RSU1: variants seen among roughly 807,000 people sequenced by gnomAD.
The protein encoded by RSU1 is Ras suppressor protein 1.
In RSU1, 26 loss-of-function variants were observed where a neutral mutation model predicts 31.1. The ratio of observed to expected loss-of-function variants is 0.84; its 90% CI spans 0.61 to 1.16. RSU1 has a LOEUF of 1.16. Ranked by LOEUF, RSU1 falls within the 50% of genes most tolerant of loss-of-function variation. RSU1 has a pLI of 0.00. For synonymous variants in RSU1, 164 were observed against 136.3 expected, an observed-to-expected ratio of 1.20 and a Z score of -1.41; for missense variants, 320 against 339.1, an observed-to-expected ratio of 0.94 and a Z score of 0.44.
intron 4 of RSU1, among the ~76,000 whole-genome samples, chr10:16,756,888 T>A (rs1341304711): frequency 7.7e-6 from 1 of 129,834 alleles, no homozygotes; most frequent in East Asian, 2.3e-4. Flanking sequence ...TTTCGTGTGG[T>A]GTGTGAGGGG....
intron 8 of RSU1, among the ~76,000 whole-genome samples, chr10:16,655,017 AT>A (rs1398683748): frequency 6.7e-6 from 1 of 149,002 alleles, no homozygotes; most frequent in Non-Finnish European, 1.5e-5. Context: ...TGAGCCACGA[AT>A]GTGCCTGGAG....
At position 16,695,155 on chromosome 10, in the gene RSU1, CCTGGGGGGGGGG is replaced by C; in HGVS notation, c.599-12_599-1del. ...CTTCTGGCCAGTTAAATCCAAGTTT[CCTGGGGGGGGGG>C]AAAAAAAAAGTGAAGGTCACTTCAT... is the stretch of plus-strand genomic sequence containing the variant. On this transcript the variant is annotated splice_acceptor_variant and splice_polypyrimidine_tract_variant and intron_variant, in intron 7 of 8. Transcript: ENST00000345264. LOFTEE classifies it high-confidence loss of function. 1 of 1,454,568 alleles carries C rather than the reference CCTGGGGGGGGGG, an allele frequency of 6.9e-7. No individual in the cohort carries two copies. Among genetic ancestry groups the C allele is most frequent in the Admixed American group, 2.3e-5 (1 of 44,420 alleles). 90.1% of individuals were successfully genotyped at this position (1,454,568 alleles called of 1,614,324 possible).
At chr10:16,711,807 G>T (rs1588486210) in intron 7 of RSU1, among the ~76,000 whole-genome samples, 1 of 152,156 alleles carries the variant, frequency 6.6e-6, no homozygotes, top group East Asian at 1.9e-4. Context: ...CCTAGCATGT[G>T]CTCTATCCTG....
At chr10:16,693,480 A>C (rs1385723286) in intron 8 of RSU1, among the ~76,000 whole-genome samples, 1 of 150,454 alleles carries the variant, frequency 6.6e-6, no homozygotes, top group Non-Finnish European at 1.5e-5. Flanking sequence ...CTGATACCAA[A>C]AAAAAAAAAA....
chr10:16,731,946 T>C (rs965043552), intron 7 of RSU1, among the ~76,000 whole-genome samples: 7 of 152,168 alleles, frequency 4.6e-5, no homozygotes, highest in African/African-American at 1.2e-4. Flanking sequence ...GTCAAGTATA[T>C]ACAATTTTTC....
intron 8 of RSU1, among the ~76,000 whole-genome samples, chr10:16,622,937 G>C (rs1424592024): frequency 6.6e-6 from 1 of 152,142 alleles, no homozygotes; most frequent in African/African-American, 2.4e-5. Flanking sequence ...TATGAAATTA[G>C]GAGAGAGCTG....
At position 16,754,914 on chromosome 10, in the gene RSU1, G is replaced by A. The variant is rs1837053120; in HGVS notation, c.357C>T (p.Asn119=). The change falls in exon 5 of 9, where the codon AAC becomes AAT. Residue 119 remains asparagine, a synonymous_variant. Coordinates refer to ENST00000345264, the MANE Select transcript of RSU1 (RefSeq NM_012425.4). ...PALEVLDLTY[N]NLSENSLPGN... ...CAGGAAGAGAATTTTCGCTCAAGTT[G>A]TTGTACGTCAAGTCCAGAACCTCAA... The A allele has an allele frequency of 1.2e-6, 2 of 1,613,110 alleles. No homozygotes were observed. Among genetic ancestry groups the A allele is most frequent in the Non-Finnish European group, 1.7e-6 (2 of 1,179,562 alleles).
intron 8 of RSU1, among the ~76,000 whole-genome samples, chr10:16,687,061 C>A (rs960919248): frequency 6.6e-6 from 1 of 152,102 alleles, no homozygotes; most frequent in African/African-American, 2.4e-5. Flanking sequence ...CATTAGAGGA[C>A]CAGAGGGAAG....
chr10:16,741,147 A>C (rs1048636176), intron 7 of RSU1, among the ~76,000 whole-genome samples: 3 of 152,246 alleles, frequency 2.0e-5, no homozygotes, highest in African/African-American at 7.2e-5. Flanking sequence ...AAAGTACAAA[A>C]ATAAAACTAT....
intron 4 of RSU1, 38 bp downstream of exon 4, chr10:16,764,352 C>T: frequency 5.0e-6 from 8 of 1,586,490 alleles, no homozygotes; most frequent in Non-Finnish European, 6.9e-6. Flanking sequence ...CCCTTCCACT[C>T]TCTTCCTCTC....
chr10:16,810,575 C>T (rs1214021339), intron 2 of RSU1, among the ~76,000 whole-genome samples: 1 of 152,144 alleles, frequency 6.6e-6, no homozygotes, highest in Non-Finnish European at 1.5e-5. Context: ...CCTGGGAATT[C>T]TGACTCAGGT....
Position 16,751,044 on chromosome 10 carries a change from T to C in RSU1, c.598+1495A>G, listed in dbSNP as rs530999025. On this transcript the variant is annotated intron_variant, in intron 7 of 8. Transcript: ENST00000345264. ...CCACGTCCAGCTAATTTTTTGTACT[T>C]TTTGTAGAGACGGGGTTTCACCATG... is the stretch of plus-strand genomic sequence containing the variant. Among the ~76,000 whole-genome samples, 4 of 152,038 alleles carry C rather than the reference T, an allele frequency of 2.6e-5. No homozygotes were observed. In the South Asian group the frequency reaches 8.3e-4, roughly 32 times the overall value.
intron 7 of RSU1, among the ~76,000 whole-genome samples, chr10:16,718,195 A>G (rs944672532): frequency 1.3e-5 from 2 of 151,996 alleles, no homozygotes; most frequent in African/African-American, 4.8e-5. Context: ...ACTTCTTGCT[A>G]CTGGTTTACA....
intron 2 of RSU1, among the ~76,000 whole-genome samples, chr10:16,810,429 G>A (rs796842630): frequency 2.6e-5 from 4 of 152,176 alleles, no homozygotes; most frequent in African/African-American, 9.6e-5. Context: ...TTGGCCACAA[G>A]CACATCCCAA....
rs566776812 is a variant in RSU1 at position 16,753,096 on chromosome 10, T to C, written c.401-96A>G. On this transcript the variant is annotated intron_variant, in intron 5 of 8. Coordinates refer to ENST00000345264, the MANE Select transcript of RSU1 (RefSeq NM_012425.4). ...GGGAGTCAGCTTTGATTAATAACCCTGGCTTGGTGAAAAGCCTTTGACATA... is the reference window on the plus strand; with the variant it reads ...GGGAGTCAGCTTTGATTAATAACCCCGGCTTGGTGAAAAGCCTTTGACATA... The C allele has an allele frequency of 4.9e-4, 447 of 910,896 alleles. 3 individuals carry two copies. The African/African-American group carries it at 6.6e-3, about 13-fold the overall frequency. The allele number at this position is 910,896 out of a possible 1,614,324, so 56.4% of individuals were successfully genotyped here. A position where few individuals can be genotyped will look rare whatever the true frequency, so the allele number is the denominator to read the frequency against.
chr10:16,698,427 C>A (rs755946223), intron 7 of RSU1, among the ~76,000 whole-genome samples: 2 of 152,208 alleles, frequency 1.3e-5, no homozygotes, highest in Non-Finnish European at 2.9e-5. Flanking sequence ...GGAACGCACA[C>A]AGCCTCTTGT....
chr10:16,756,967 A>G lies in RSU1; in HGVS notation c.282-1978T>C, dbSNP rs113106565. On this transcript the variant is annotated intron_variant, in intron 4 of 8. Transcript: ENST00000345264. ...GGTATGTGTGTGGTGTGGGGTAGGT[A>G]TGAGTGTGGTGTGGTGTGTGTATAG... 3.5e-3 allele frequency among the ~76,000 whole-genome samples: 500 copies of G among 143,288 alleles called. 5 individuals carry two copies. Among genetic ancestry groups the G allele is most frequent in the African/African-American group, 0.012 (459 of 38,228 alleles). The allele number at this position is 143,288 out of a possible 152,430, so 94.0% of individuals were successfully genotyped here.
intron 7 of RSU1, among the ~76,000 whole-genome samples, chr10:16,746,411 A>G (rs1836856313): frequency 6.6e-6 from 1 of 152,140 alleles, no homozygotes; most frequent in Non-Finnish European, 1.5e-5. Context: ...CCTCTTCTCC[A>G]AAGGCAAAAT....
chr10:16,752,826 C>G, intron 6 of RSU1, 92 bp downstream of exon 6: 1 of 1,216,754 alleles, frequency 8.2e-7, no homozygotes, highest in Non-Finnish European at 1.2e-6. Context: ...TCCCACAAAA[C>G]AAACCTTACT....
Sources: allele counts gnomAD v4.1 joint callset (sites outside exome capture counted in the v4.1 genomes callset), GRCh38; gene constraint gnomAD v4.1.1; transcripts MANE v1.5; gene names NCBI Gene and HGNC (gene_info 2026-07-23, HGNC 2026-07-21).